Variants in PEMT observed in about 807,000 individuals in gnomAD.
The protein encoded by PEMT is phospholipid methyltransferase.
In PEMT, 23 loss-of-function variants were observed where a neutral mutation model predicts 27.4. The observed-to-expected ratio is 0.84, with a 90% CI of 0.60 to 1.19. The LOEUF is 1.19. Among genes scored for constraint, PEMT ranks in the 50% most tolerant of loss-of-function variants. The probability of loss-of-function intolerance (pLI) is 0.00; values close to 1 mark genes in which losing one functional copy is unlikely to be tolerated. For synonymous variants in PEMT, 137 were observed against 139.1 expected, an observed-to-expected ratio of 0.98 and a Z score of 0.11; for missense variants, 307 against 310.1, an observed-to-expected ratio of 0.99 and a Z score of 0.07.
rs1048290846 is a variant in PEMT at position 17,513,627 on chromosome 17, G to C, written c.321-973C>G. 6.6e-6 allele frequency among the ~76,000 whole-genome samples: 1 copy of C among 152,218 alleles called. No homozygotes were observed. The highest frequency in any genetic ancestry group is 3.4e-3 in the Middle Eastern group (1 of 294). On this transcript the variant is annotated intron_variant, in intron 3 of 6. Transcript: ENST00000255389. This position sits in a 1 kb window ranked among gnomAD's most constrained non-coding sequence, Gnocchi z 4.1. ...GAAAAGGCAGTGGCGTGACCAAAAGGGGGTGACTATGACAGCAGTGGGTCT... is the reference window on the plus strand; with the variant it reads ...GAAAAGGCAGTGGCGTGACCAAAAGCGGGTGACTATGACAGCAGTGGGTCT...
At chr17:17,548,378 G>A (rs1307347872) in intron 2 of PEMT, among the ~76,000 whole-genome samples, 1 of 152,200 alleles carries the variant, frequency 6.6e-6, no homozygotes, top group Non-Finnish European at 1.5e-5. Flanking sequence ...GGCTCCTAGG[G>A]GTCTTCTGGA....
chr17:17,512,524 C>A lies in PEMT; in HGVS notation c.451G>T (p.Ala151Ser). 1.2e-6 allele frequency: 2 copies of A among 1,600,700 alleles called. No individual in the cohort carries two copies. The highest frequency in any genetic ancestry group is 1.7e-6 in the Non-Finnish European group (2 of 1,172,782). Residue 151 changes from alanine to serine, a missense_variant, in exon 4 of 7, where the codon GCT becomes TCT. Ala to Ser is a moderately conservative substitution (Grantham distance 99). Transcript: ENST00000255389. The surrounding 1 kb of genome is among the most constrained non-coding windows in gnomAD (Gnocchi z 6.3). ...AGGGTCTTACCTAGGAAAGTTCCAG[C>A]GAACCCCAGTGCAAAGAAGCTGGAG... ...VLSSFFALGF[A>S]GTFLGDYFGI... is the part of the protein sequence containing the mutation.
intron 3 of PEMT, among the ~76,000 whole-genome samples, chr17:17,514,353 G>A (rs1474539393): frequency 1.3e-5 from 2 of 152,252 alleles, no homozygotes; most frequent in Non-Finnish European, 2.9e-5. Flanking sequence ...GCCACAGAAT[G>A]GATGTTTAGT....
chr17:17,536,844 C>T (rs1908509036), intron 2 of PEMT, among the ~76,000 whole-genome samples: 2 of 152,212 alleles, frequency 1.3e-5, no homozygotes, highest in South Asian at 4.1e-4. Context: ...GCAGTGTCAG[C>T]CCCTACTCAG....
intron 2 of PEMT, among the ~76,000 whole-genome samples, chr17:17,534,471 G>T (rs996386926): frequency 2.0e-5 from 3 of 152,240 alleles, no homozygotes; most frequent in Admixed American, 6.5e-5. Flanking sequence ...TCTCAAAGGT[G>T]GGAATGGATA....
At chr17:17,517,783 C>A (rs1906951070) in intron 3 of PEMT, among the ~76,000 whole-genome samples, 1 of 152,196 alleles carries the variant, frequency 6.6e-6, no homozygotes. Flanking sequence ...TGCTGCCCAG[C>A]CTGTGAGTGG....
chr17:17,574,895 T>C (rs994401781), intron 2 of PEMT, among the ~76,000 whole-genome samples: 2 of 151,932 alleles, frequency 1.3e-5, no homozygotes, highest in Non-Finnish European at 2.9e-5. Context: ...GAGCCCAACA[T>C]CTCCCTCAGA....
intron 2 of PEMT, among the ~76,000 whole-genome samples, chr17:17,534,129 G>A (rs1908296485): frequency 6.6e-6 from 1 of 152,128 alleles, no homozygotes; most frequent in Admixed American, 6.5e-5. Context: ...AGCTATCCAG[G>A]CAGACTTGAA....
At chr17:17,573,488 T>G (rs770527326) in intron 2 of PEMT, among the ~76,000 whole-genome samples, 1 of 145,020 alleles carries the variant, frequency 6.9e-6, no homozygotes, top group Non-Finnish European at 1.5e-5. Flanking sequence ...AAAAGAAAAA[T>G]TCAGGAAAAA....
At chr17:17,515,826 G>A (rs986281595) in intron 3 of PEMT, among the ~76,000 whole-genome samples, 4 of 152,146 alleles carry the variant, frequency 2.6e-5, no homozygotes, top group South Asian at 2.1e-4. Flanking sequence ...GGTGGGGAAC[G>A]GAGACTCATT....
At chr17:17,510,102 T>C (rs1906251703) in intron 4 of PEMT, among the ~76,000 whole-genome samples, 1 of 152,136 alleles carries the variant, frequency 6.6e-6, no homozygotes, top group Non-Finnish European at 1.5e-5. Context: ...CTCCCGTTGC[T>C]CTGGGAGGTC....
chr17:17,516,243 G>A (rs896862765), intron 3 of PEMT, among the ~76,000 whole-genome samples: 5 of 151,954 alleles, frequency 3.3e-5, no homozygotes, highest in Admixed American at 1.3e-4. Context: ...GAAATGAGTC[G>A]TCTGATGGGC....
rs116283730 is a variant in PEMT at position 17,572,540 on chromosome 17, C to T, written c.204+4380G>A. 4.0e-3 allele frequency among the ~76,000 whole-genome samples: 606 copies of T among 152,294 alleles called. 4 individuals carry two copies. The highest frequency in any genetic ancestry group is 0.014 in the African/African-American group (568 of 41,562). On this transcript the variant is annotated intron_variant, in intron 2 of 6. Transcript: ENST00000255389. ...CTTCCCCAGACACCTGAGGGCCCTCCTGCATGAGAATCAGGTTTCTGGTGA... is the reference window on the plus strand; with the variant it reads ...CTTCCCCAGACACCTGAGGGCCCTCTTGCATGAGAATCAGGTTTCTGGTGA...
chr17:17,556,660 C>T (rs540380947), intron 2 of PEMT, among the ~76,000 whole-genome samples: 4 of 152,070 alleles, frequency 2.6e-5, no homozygotes, highest in African/African-American at 7.2e-5. Flanking sequence ...AGGTGTGAGC[C>T]GCTGCGCCTG....
chr17:17,506,186 G>T, intron 6 of PEMT, 41 bp downstream of exon 6: 1 of 1,447,298 alleles, frequency 6.9e-7, no homozygotes, highest in Non-Finnish European at 9.5e-7. Context: ...GACAGGGCCA[G>T]TCGGGCAGCC....
rs1452874798 is a variant in PEMT, at chr17:17,523,148, G to T, written c.205-753C>A. On this transcript the variant is annotated intron_variant, in intron 2 of 6. Transcript: ENST00000255389. This position sits in a 1 kb window ranked among gnomAD's most constrained non-coding sequence, Gnocchi z 4.8. ...CAGCACACTGAGGAAGGAACGGAGAGGAGGGGAGGGGGCAAGGAGGATGCA... is the reference window on the plus strand; with the variant it reads ...CAGCACACTGAGGAAGGAACGGAGATGAGGGGAGGGGGCAAGGAGGATGCA... Among the ~76,000 whole-genome samples, 1 of 152,158 alleles carries T rather than the reference G, an allele frequency of 6.6e-6. No individual in the cohort carries two copies. Among genetic ancestry groups the T allele is most frequent in the East Asian group, 1.9e-4 (1 of 5,180 alleles).
At chr17:17,563,672 C>A (rs1597940220) in intron 2 of PEMT, among the ~76,000 whole-genome samples, 1 of 152,332 alleles carries the variant, frequency 6.6e-6, no homozygotes, top group East Asian at 1.9e-4. Context: ...GACAGGTGTA[C>A]TGGGACCGCT....
chr17:17,561,743 G>A lies in PEMT; in HGVS notation c.204+15177C>T, dbSNP rs1286544858. On this transcript the variant is annotated intron_variant, in intron 2 of 6. Transcript: ENST00000255389. This position sits in a 1 kb window ranked among gnomAD's most constrained non-coding sequence, Gnocchi z 4.5. ...TGAGAGGCCCAGAGATATGAGGGGG[G>A]CACAACCGCACCGGGCTCCCGAGGA... is the stretch of plus-strand genomic sequence containing the variant. 1.3e-5 allele frequency among the ~76,000 whole-genome samples: 2 copies of A among 152,200 alleles called. No homozygotes were observed. Among genetic ancestry groups the A allele is most frequent in the Admixed American group, 6.5e-5 (1 of 15,280 alleles).
At chr17:17,544,095 A>G (rs543626126) in intron 2 of PEMT, among the ~76,000 whole-genome samples, 107 of 152,200 alleles carry the variant, frequency 7.0e-4, no homozygotes, top group Non-Finnish European at 1.2e-3. Flanking sequence ...GGGGGTCAGG[A>G]AAGTTGAGCA....
Sources: allele counts gnomAD v4.1 joint callset (sites outside exome capture counted in the v4.1 genomes callset), GRCh38; gene constraint gnomAD v4.1.1; non-coding constraint Gnocchi (gnomAD v3.1); transcripts MANE v1.5; gene names NCBI Gene and HGNC (gene_info 2026-07-23, HGNC 2026-07-21).